Variants in CNIH3 observed in about 807,000 individuals in gnomAD.
The protein encoded by CNIH3 is protein cornichon homolog 3.
In CNIH3, 14 loss-of-function variants were observed where a neutral mutation model predicts 24.1. The ratio of observed to expected loss-of-function variants is 0.58; its 90% CI spans 0.38 to 0.91. The LOEUF is 0.91. Among genes scored for constraint, CNIH3 ranks in the 40% least tolerant of loss-of-function variants. CNIH3 has a pLI of 0.00. For synonymous variants in CNIH3, 68 were observed against 73.8 expected (o/e 0.92, Z 0.40); for missense variants, 178 against 196.8 (o/e 0.90, Z 0.57).
At chr1:224,434,697 G>GGCGGCGGCGGGCGGCA in exon 1 of CNIH3, 6 of 933,916 alleles carry the variant, frequency 6.4e-6, no homozygotes, top group Non-Finnish European at 7.6e-6. Context: ...CTGCGGCGGC[G>GGCGGCGGCGGGCGGCA]GCGGCGGCGG....
At chr1:224,677,956 A>G (rs79534478) in intron 1 of CNIH3, among the ~76,000 whole-genome samples, 9,300 of 152,268 alleles carry the variant, frequency 0.061, 326 homozygotes, top group East Asian at 0.11. Context: ...TTATAACTGT[A>G]TAGATAATAG....
At position 224,703,220 on chromosome 1, in the gene CNIH3, A is replaced by C. The variant is rs932688465; in HGVS notation, c.198+18377A>C. ...GGAGCCAGTGACCTAGTGTCTGTGC[A>C]TCCCACGTGGGCCTGCACTCATGAG... On this transcript the variant is annotated intron_variant, in intron 3 of 5. Coordinates refer to ENST00000272133, the MANE Select transcript of CNIH3 (RefSeq NM_152495.2). The surrounding 1 kb of genome is among the most constrained non-coding windows in gnomAD (Gnocchi z 4.2). 1.3e-5 allele frequency among the ~76,000 whole-genome samples: 2 copies of C among 152,102 alleles called. No individual in the cohort carries two copies. The highest frequency in any genetic ancestry group is 4.8e-5 in the African/African-American group (2 of 41,434).
intron 1 of CNIH3, among the ~76,000 whole-genome samples, chr1:224,633,444 C>T (rs1683928843): frequency 1.3e-5 from 2 of 152,270 alleles, no homozygotes; most frequent in East Asian, 3.9e-4. Context: ...CAGGCATGAG[C>T]CACCAGGCCT....
chr1:224,587,718 C>T (rs956758519), intron 5 of CNIH3, among the ~76,000 whole-genome samples: 13 of 151,568 alleles, frequency 8.6e-5, no homozygotes, highest in Admixed American at 5.3e-4. Flanking sequence ...GTGGGAGGAT[C>T]CCTTGAGCCC....
At chr1:224,723,799 C>T (rs1688872550) in intron 3 of CNIH3, among the ~76,000 whole-genome samples, 1 of 152,216 alleles carries the variant, frequency 6.6e-6, no homozygotes, top group African/African-American at 2.4e-5. Context: ...AGGCCAAGAT[C>T]AAAGCAATAC....
intron 1 of CNIH3, among the ~76,000 whole-genome samples, chr1:224,498,810 T>C (rs1377847841): frequency 6.6e-6 from 1 of 152,208 alleles, no homozygotes; most frequent in African/African-American, 2.4e-5. Context: ...ATCAGCCCAG[T>C]GCTGCAACAG....
At chr1:224,593,860 ATC>A (rs1681866219) in intron 3 of CNIH3, among the ~76,000 whole-genome samples, 2 of 152,162 alleles carry the variant, frequency 1.3e-5, no homozygotes, top group Admixed American at 1.3e-4. Flanking sequence ...GCTTCTGTGC[ATC>A]TCTGTTAGAT....
intron 4 of CNIH3, among the ~76,000 whole-genome samples, chr1:224,573,296 G>C (rs1386034693): frequency 1.3e-5 from 2 of 151,680 alleles, no homozygotes; most frequent in Non-Finnish European, 2.9e-5. Flanking sequence ...TTTTCTCTTA[G>C]TTACTACTTC....
At chr1:224,491,883 T>A (rs1677249265) in intron 1 of CNIH3, among the ~76,000 whole-genome samples, 1 of 152,136 alleles carries the variant, frequency 6.6e-6, no homozygotes, top group Non-Finnish European at 1.5e-5. Context: ...ACTGGGATTA[T>A]AGGCATGAGC....
chr1:224,731,803 G>A (rs1329639864), intron 4 of CNIH3, among the ~76,000 whole-genome samples: 2 of 152,258 alleles, frequency 1.3e-5, no homozygotes, highest in African/African-American at 2.4e-5. Context: ...ATTCCAGGGC[G>A]AGGGCCCAGC....
chr1:224,516,779 G>C (rs1442231379), intron 1 of CNIH3, among the ~76,000 whole-genome samples: 2 of 152,292 alleles, frequency 1.3e-5, no homozygotes, highest in African/African-American at 4.8e-5. Flanking sequence ...TTTGCAGCAC[G>C]TTTTCTTACC....
intron 2 of CNIH3, among the ~76,000 whole-genome samples, chr1:224,536,611 G>A (rs748941993): frequency 6.6e-6 from 1 of 152,108 alleles, no homozygotes; most frequent in Non-Finnish European, 1.5e-5. Flanking sequence ...TTAATTGTGG[G>A]AAATGCTAAG....
At chr1:224,596,791 G>A (rs1681998802) in intron 3 of CNIH3, among the ~76,000 whole-genome samples, 1 of 152,168 alleles carries the variant, frequency 6.6e-6, no homozygotes, top group Non-Finnish European at 1.5e-5. Context: ...AGCTCAGAGT[G>A]ATAAAGGTGA....
At chr1:224,736,755 A>G (rs144330380) in intron 5 of CNIH3, among the ~76,000 whole-genome samples, 368 of 152,312 alleles carry the variant, frequency 2.4e-3, no homozygotes, top group African/African-American at 7.4e-3. Flanking sequence ...GGAGATTTCT[A>G]CGGTGCCCAG....
rs551156227 is a variant in CNIH3, at chr1:224,657,034, C to G, written c.82-23924C>G. Among the ~76,000 whole-genome samples, 885 of 152,194 alleles carry G rather than the reference C, an allele frequency of 5.8e-3. 8 individuals are homozygous for G. Among genetic ancestry groups the G allele is most frequent in the African/African-American group, 0.02 (823 of 41,534 alleles). On this transcript the variant is annotated intron_variant, in intron 1 of 5. Transcript: ENST00000272133. The stretch of plus-strand genomic sequence containing the variant: ...GTGGATCCATTCAGTTGATGGGAGG[C>G]TTAGGGCTTTGTTTTCATTTTGGTC...
intron 1 of CNIH3, among the ~76,000 whole-genome samples, chr1:224,465,311 G>A (rs1023657148): frequency 6.6e-6 from 1 of 152,196 alleles, no homozygotes; most frequent in African/African-American, 2.4e-5. Context: ...GTTTCTCCGT[G>A]TTGGTCAGGC....
At chr1:224,556,337 C>G (rs943059977) in intron 3 of CNIH3, among the ~76,000 whole-genome samples, 1 of 152,158 alleles carries the variant, frequency 6.6e-6, no homozygotes, top group Non-Finnish European at 1.5e-5. Flanking sequence ...ACCACTTAAC[C>G]TCTCTAAGCC....
intron 1 of CNIH3, among the ~76,000 whole-genome samples, chr1:224,475,471 A>G (rs1676550752): frequency 6.6e-6 from 1 of 152,242 alleles, no homozygotes; most frequent in Non-Finnish European, 1.5e-5. Flanking sequence ...ATGCTAATAA[A>G]TTGGAAAGTC....
chr1:224,689,865 A>G (rs911660677), intron 3 of CNIH3, among the ~76,000 whole-genome samples: 2 of 152,130 alleles, frequency 1.3e-5, no homozygotes, highest in African/African-American at 2.4e-5. Flanking sequence ...TTTTTGTGGC[A>G]AGAGCCAGTT....
Sources: gnomAD v4.1 joint callset for allele counts (sites outside exome capture counted in the v4.1 genomes callset) on GRCh38, gnomAD v4.1.1 for gene constraint, Gnocchi (gnomAD v3.1) non-coding constraint, MANE v1.5 for transcripts, NCBI Gene and HGNC (gene_info 2026-07-23, HGNC 2026-07-21) for gene names.